Variants in ARHGAP24 observed in about 807,000 individuals in gnomAD.
ARHGAP24 encodes Rho GTPase activating protein 24, also known as rho GTPase-activating protein 24.
In ARHGAP24, 50 loss-of-function variants were observed where a neutral mutation model predicts 76.4. That is an observed-to-expected ratio of 0.65 (90% CI 0.52 to 0.83). ARHGAP24 has a LOEUF of 0.83. ARHGAP24 is among the 40% of genes least tolerant of loss of function. The pLI is 0.00. For missense variants in ARHGAP24, 930 were observed against 914.2 expected, an observed-to-expected ratio of 1.02 and a Z score of -0.22; for synonymous variants, 345 against 323.3, an observed-to-expected ratio of 1.07 and a Z score of -0.72.
chr4:85,995,415 C>G lies in ARHGAP24; in HGVS notation c.1761C>G (p.Asn587Lys). Residue 587 changes from asparagine to lysine, a missense_variant, in exon 9 of 10, where the codon AAC becomes AAG. Coordinates refer to ENST00000395184, the MANE Select transcript of ARHGAP24 (RefSeq NM_001025616.3). ...CAGAGCAAGACTTTTTTGGGGGGAA[C>G]TTTGAGGACCCTGTTTTGGATGGGC... Reference protein sequence around the residue: ...TCPEQDFFGGNFEDPVLDGPP... With the variant: ...TCPEQDFFGGKFEDPVLDGPP... 6.2e-7 allele frequency: 1 copy of G among 1,612,500 alleles called. No homozygotes were observed. Among genetic ancestry groups the G allele is most frequent in the Non-Finnish European group, 8.5e-7 (1 of 1,178,726 alleles).
intron 2 of ARHGAP24, among the ~76,000 whole-genome samples, chr4:85,577,033 C>T (rs1408502113): frequency 6.6e-6 from 1 of 151,554 alleles, no homozygotes; most frequent in Non-Finnish European, 1.5e-5. Flanking sequence ...AGCAATGATA[C>T]ATGGTAAGCA....
chr4:85,821,424 G>A (rs1431202617), intron 3 of ARHGAP24, among the ~76,000 whole-genome samples: 1 of 152,076 alleles, frequency 6.6e-6, no homozygotes, highest in Non-Finnish European at 1.5e-5. Flanking sequence ...CCCAGGCTGG[G>A]GTGCAGTGGC....
In ARHGAP24 at chr4:85,977,668, A is replaced by G. The variant is rs773263745; in HGVS notation, c.905A>G (p.Glu302Gly). 2 of 1,613,896 alleles carry G rather than the reference A, an allele frequency of 1.2e-6. No homozygotes were observed. Among genetic ancestry groups the G allele is most frequent in the Non-Finnish European group, 8.5e-7 (1 of 1,179,818 alleles). The stretch of plus-strand genomic sequence containing the variant: ...CCTAATATCCTGCGCCCCAAAGTGG[A>G]AGATCCTTTGACTATCATGGAGGGT... Reference protein sequence around the residue: ...FGPNILRPKVEDPLTIMEGTV... With the variant: ...FGPNILRPKVGDPLTIMEGTV... Residue 302 changes from glutamate to glycine, a missense_variant, in exon 8 of 10, where the codon GAA becomes GGA. By Grantham distance (98) the Glu-to-Gly change is moderately conservative. Transcript: ENST00000395184.
At chr4:85,879,117 A>G (rs1292030309) in intron 3 of ARHGAP24, among the ~76,000 whole-genome samples, 1 of 152,208 alleles carries the variant, frequency 6.6e-6, no homozygotes, top group African/African-American at 2.4e-5. Context: ...TTTCACAGGA[A>G]CATACTATAT....
At chr4:85,737,528 CA>C (rs1725648585) in intron 3 of ARHGAP24, among the ~76,000 whole-genome samples, 1 of 152,154 alleles carries the variant, frequency 6.6e-6, no homozygotes, top group Non-Finnish European at 1.5e-5. Context: ...CACAATGGCT[CA>C]GTATGTTAAT....
At chr4:85,814,448 A>T (rs576742012) in intron 3 of ARHGAP24, among the ~76,000 whole-genome samples, 2 of 152,176 alleles carry the variant, frequency 1.3e-5, no homozygotes, top group African/African-American at 4.8e-5. Context: ...GGTAACTACA[A>T]CTGATCCAAG....
At chr4:85,643,876 C>G (rs1278362471) in intron 2 of ARHGAP24, among the ~76,000 whole-genome samples, 3 of 152,112 alleles carry the variant, frequency 2.0e-5, no homozygotes, top group African/African-American at 7.2e-5. Context: ...GTTTGAGTCT[C>G]CCAAGTAAGT....
At chr4:85,602,652 A>G (rs1720071855) in intron 2 of ARHGAP24, among the ~76,000 whole-genome samples, 1 of 152,202 alleles carries the variant, frequency 6.6e-6, no homozygotes, top group Admixed American at 6.5e-5. Flanking sequence ...GTTAAGAATG[A>G]AAGGAAATAG....
intron 3 of ARHGAP24, among the ~76,000 whole-genome samples, chr4:85,786,609 T>A (rs1727856067): frequency 2.0e-5 from 3 of 152,326 alleles, no homozygotes; most frequent in Admixed American, 2.0e-4. Context: ...TAACATGATA[T>A]TGTGGCAGTT....
At chr4:85,946,322 C>T (rs1055198301) in intron 5 of ARHGAP24, among the ~76,000 whole-genome samples, 1 of 152,016 alleles carries the variant, frequency 6.6e-6, no homozygotes, top group Admixed American at 6.5e-5. Flanking sequence ...AAATATATTT[C>T]TTCTGTTTTA....
chr4:85,560,964 AGACT>A (rs1439572731), intron 1 of ARHGAP24, among the ~76,000 whole-genome samples: 4 of 152,226 alleles, frequency 2.6e-5, no homozygotes, highest in African/African-American at 9.6e-5. Context: ...TAGACCCCAA[AGACT>A]GACTGAAACA....
chr4:85,689,395 A>T (rs1723547028), intron 2 of ARHGAP24, among the ~76,000 whole-genome samples: 1 of 151,652 alleles, frequency 6.6e-6, no homozygotes, highest in Non-Finnish European at 1.5e-5. Flanking sequence ...TTAAATTTTT[A>T]ATTTTTTTTG....
chr4:85,600,885 AT>A (rs1227515805), intron 2 of ARHGAP24, among the ~76,000 whole-genome samples: 2 of 152,170 alleles, frequency 1.3e-5, no homozygotes, highest in African/African-American at 4.8e-5. Context: ...CTTTTTGGTC[AT>A]TTTTTATTGA....
chr4:85,659,610 TTAGAAA>T (rs1184842001), intron 2 of ARHGAP24, among the ~76,000 whole-genome samples: 2 of 152,344 alleles, frequency 1.3e-5, no homozygotes, highest in African/African-American at 2.4e-5. Flanking sequence ...AATTTTAGTC[TTAGAAA>T]TAGAAAATTA....
chr4:85,639,964 C>T (rs957198399), intron 2 of ARHGAP24, among the ~76,000 whole-genome samples: 1 of 152,100 alleles, frequency 6.6e-6, no homozygotes, highest in African/African-American at 2.4e-5. Context: ...TTCTTATTGT[C>T]TGTATCCTGA....
At chr4:85,707,188 A>G (rs1724346139) in intron 2 of ARHGAP24, among the ~76,000 whole-genome samples, 1 of 152,176 alleles carries the variant, frequency 6.6e-6, no homozygotes, top group Non-Finnish European at 1.5e-5. Context: ...GATTGATAGG[A>G]TTACAGTCAT....
intron 3 of ARHGAP24, among the ~76,000 whole-genome samples, chr4:85,836,968 G>A (rs1432580739): frequency 6.6e-6 from 1 of 152,020 alleles, no homozygotes; most frequent in Non-Finnish European, 1.5e-5. Flanking sequence ...ATTCTCAAAT[G>A]CCAAAAAGGA....
At chr4:85,579,653 G>GT (rs1727527056) in intron 2 of ARHGAP24, among the ~76,000 whole-genome samples, 1 of 152,076 alleles carries the variant, frequency 6.6e-6, no homozygotes, top group South Asian at 2.1e-4. Context: ...ATTTTAGAGT[G>GT]TTTTGATCAC....
chr4:85,512,939 T>C (rs1724338886), intron 1 of ARHGAP24, among the ~76,000 whole-genome samples: 1 of 152,230 alleles, frequency 6.6e-6, no homozygotes, highest in African/African-American at 2.4e-5. Flanking sequence ...CCAAAAGGAT[T>C]TGAATGTGTT....
Sources: gnomAD v4.1 joint callset for allele counts (sites outside exome capture counted in the v4.1 genomes callset) on GRCh38, gnomAD v4.1.1 for gene constraint, MANE v1.5 for transcripts, NCBI Gene and HGNC (gene_info 2026-07-23, HGNC 2026-07-21) for gene names.